PAPPA: variants seen among roughly 807,000 people sequenced by gnomAD.
PAPPA encodes the protein pappalysin 1, also known as pappalysin-1.
In PAPPA, 60 loss-of-function variants were observed where a neutral mutation model predicts 164.0. The observed-to-expected ratio is 0.37, with a 90% confidence interval of 0.30 to 0.45. PAPPA has a LOEUF of 0.45. PAPPA is among the 20% of genes least tolerant of loss of function. PAPPA has a pLI of 1.00. For synonymous variants in PAPPA, 875 were observed against 814.1 expected, an observed-to-expected ratio of 1.07 and a Z score of -1.27; for missense variants, 1,782 against 2,087.3, an observed-to-expected ratio of 0.85 and a Z score of 2.85.
chr9:116,235,339 G>T lies in PAPPA; in HGVS notation c.2434G>T (p.Ala812Ser), dbSNP rs200608190. ...CTCCACTGACTGGGACTCTAGTGGA[G>T]CTGTCAATGACATCAAACTGTTGGC... ...FVSTDWDSSG[A>S]VNDIKLLAVS... The change falls in exon 7 of 22, where the codon GCT becomes TCT. Residue 812 changes from alanine to serine, a missense_variant. Transcript: ENST00000328252. 3.6e-5 allele frequency: 58 copies of T among 1,614,056 alleles called. No homozygotes were observed. The East Asian group carries it at 1.2e-3, about 34-fold the overall frequency.
chr9:116,346,408 A>C (rs750341442), intron 14 of PAPPA, among the ~76,000 whole-genome samples: 1 of 152,268 alleles, frequency 6.6e-6, no homozygotes, highest in Admixed American at 6.5e-5. Context: ...ATCTTTGAGC[A>C]GTTCATGAGT....
At chr9:116,346,333 T>A (rs1223469348) in intron 14 of PAPPA, among the ~76,000 whole-genome samples, 1 of 151,800 alleles carries the variant, frequency 6.6e-6, no homozygotes, top group Non-Finnish European at 1.5e-5. Flanking sequence ...TTTCCTAGGC[T>A]TTTTTTTGTC....
intron 3 of PAPPA, among the ~76,000 whole-genome samples, chr9:116,211,136 A>T (rs923602139): frequency 6.6e-6 from 1 of 152,204 alleles, no homozygotes; most frequent in African/African-American, 2.4e-5. Context: ...GGATGAAGAT[A>T]TGAGATTCAG....
chr9:116,372,164 A>G (rs16933460), intron 19 of PAPPA, among the ~76,000 whole-genome samples: 9,108 of 152,218 alleles, frequency 0.06, 302 homozygotes, highest in South Asian at 0.071. Flanking sequence ...TACAAACTCA[A>G]TAATAGGTGG....
At chr9:116,226,289 C>A (rs920087511) in intron 5 of PAPPA, among the ~76,000 whole-genome samples, 1 of 152,044 alleles carries the variant, frequency 6.6e-6, no homozygotes, top group Non-Finnish European at 1.5e-5. Flanking sequence ...ATCTACTGTC[C>A]GCTGTGTGGA....
intron 15 of PAPPA, among the ~76,000 whole-genome samples, chr9:116,349,532 A>AGTT: frequency 6.6e-6 from 1 of 152,238 alleles, no homozygotes; most frequent in East Asian, 1.9e-4. Flanking sequence ...TCTCTCCTTG[A>AGTT]GTTCTGTTCT....
rs569069233 is a variant in PAPPA, at chr9:116,319,783, T to A, written c.3148-11461T>A. On this transcript the variant is annotated intron_variant, in intron 10 of 21. Transcript: ENST00000328252. ...GCCTTGGCACCTTATTTATTACCTC[T>A]GAGCCCAGGCTGTTTATCTGTAGGA... Among the ~76,000 whole-genome samples the A allele has an allele frequency of 1.5e-4, 23 of 152,300 alleles. 1 individual carries two copies. The South Asian group carries it at 4.8e-3, about 32-fold the overall frequency.
chr9:116,349,357 AC>A (rs1029367887), intron 15 of PAPPA, among the ~76,000 whole-genome samples: 14 of 152,330 alleles, frequency 9.2e-5, no homozygotes, highest in African/African-American at 3.4e-4. Flanking sequence ...ATAAATTCAT[AC>A]TTTATGCATT....
chr9:116,219,857 C>T (rs1018662619), intron 4 of PAPPA, 80 bp from the exon 5 acceptor site: 65 of 1,214,930 alleles, frequency 5.4e-5, no homozygotes, highest in Admixed American at 2.5e-4. Flanking sequence ...ACTCTTGGGC[C>T]GCCAGGAGCC....
rs140569221 is a variant in PAPPA, at chr9:116,285,389, G to A, written c.2953+13973G>A. 1.7e-3 allele frequency among the ~76,000 whole-genome samples: 257 copies of A among 151,842 alleles called. 1 individual carries two copies. The highest frequency in any genetic ancestry group is 6.1e-3 in the African/African-American group (253 of 41,410). On this transcript the variant is annotated intron_variant, in intron 9 of 21. Coordinates refer to ENST00000328252, the MANE Select transcript of PAPPA (RefSeq NM_002581.5). Reference sequence around the variant, plus strand: ...TCACCATGTTGGCTAGGATGGTCTCGATCTCTTGACCTTGTGTCCTGCCCA... The same window carrying A: ...TCACCATGTTGGCTAGGATGGTCTCAATCTCTTGACCTTGTGTCCTGCCCA...
At chr9:116,236,581 C>T (rs1489755664) in intron 7 of PAPPA, among the ~76,000 whole-genome samples, 1 of 136,940 alleles carries the variant, frequency 7.3e-6, no homozygotes, top group Non-Finnish European at 1.6e-5. Context: ...AGTGAAACTC[C>T]ATCTCAAAAA....
rs1213522926 is a variant in PAPPA at position 116,400,696 on chromosome 9, C to A, written c.*4080C>A. Reference sequence around the variant, plus strand: ...CGAAGTAAACAAGAAACATAAAAACCAAATAGCAAATGAATAAAAGCCTGT... The same window carrying A: ...CGAAGTAAACAAGAAACATAAAAACAAAATAGCAAATGAATAAAAGCCTGT... On this transcript the variant is annotated 3_prime_UTR_variant, in exon 22 of 22. Transcript: ENST00000328252. 1.3e-5 allele frequency: 2 copies of A among 152,104 alleles called. No homozygotes were observed. Among genetic ancestry groups the A allele is most frequent in the African/African-American group, 2.4e-5 (1 of 41,416 alleles). The allele number at this position is 152,104 out of a possible 1,614,324, so 9.4% of individuals were successfully genotyped here.
chr9:116,339,054 C>T (rs1243655888), intron 13 of PAPPA, among the ~76,000 whole-genome samples: 1 of 152,144 alleles, frequency 6.6e-6, no homozygotes, highest in Non-Finnish European at 1.5e-5. Flanking sequence ...GGGGGCAAAA[C>T]CAGCACTGGA....
chr9:116,250,334 G>A (rs1285442976), intron 7 of PAPPA, among the ~76,000 whole-genome samples: 2 of 152,100 alleles, frequency 1.3e-5, no homozygotes, highest in Admixed American at 6.6e-5. Flanking sequence ...TGTCAGAGTG[G>A]GAACTAGGTT....
chr9:116,297,372 T>C (rs1307696704), intron 9 of PAPPA, among the ~76,000 whole-genome samples: 3 of 152,218 alleles, frequency 2.0e-5, no homozygotes, highest in Non-Finnish European at 4.4e-5. Flanking sequence ...TTGAAACTGA[T>C]GAGAGTCAAT....
chr9:116,381,809 A>G (rs531253041), intron 20 of PAPPA, among the ~76,000 whole-genome samples: 1 of 152,284 alleles, frequency 6.6e-6, no homozygotes, highest in East Asian at 1.9e-4. Context: ...TGGAGAGCAA[A>G]AGAAGAAAAC....
At chr9:116,242,436 G>A (rs1166202923) in intron 7 of PAPPA, among the ~76,000 whole-genome samples, 1 of 152,208 alleles carries the variant, frequency 6.6e-6, no homozygotes, top group Non-Finnish European at 1.5e-5. Flanking sequence ...CAGATCAAAT[G>A]TACAGCTTTG....
At chr9:116,303,220 A>G (rs993140973) in intron 10 of PAPPA, among the ~76,000 whole-genome samples, 2 of 152,144 alleles carry the variant, frequency 1.3e-5, no homozygotes, top group Non-Finnish European at 2.9e-5. Flanking sequence ...TCCATTTTGC[A>G]TATATCATGT....
intron 14 of PAPPA, among the ~76,000 whole-genome samples, chr9:116,346,332 C>CT (rs925615908): frequency 3.6e-4 from 55 of 151,950 alleles, no homozygotes; most frequent in Middle Eastern, 3.4e-3. Flanking sequence ...TTTTCCTAGG[C>CT]TTTTTTTTGT....
Sources: gnomAD v4.1 joint callset for allele counts (sites outside exome capture counted in the v4.1 genomes callset) on GRCh38, gnomAD v4.1.1 for gene constraint, MANE v1.5 for transcripts, NCBI Gene and HGNC (gene_info 2026-07-23, HGNC 2026-07-21) for gene names.